Variants in FBXW11 observed in about 807,000 individuals in gnomAD.
FBXW11 encodes the protein F-box and WD repeat domain containing 11.
A neutral mutation model predicts 77.6 loss-of-function variants in FBXW11; 19 were observed. That is an observed-to-expected ratio of 0.24 (90% CI 0.17 to 0.36). The LOEUF is 0.36. Ranked by LOEUF, FBXW11 falls within the 10% of genes least tolerant of loss-of-function variation. The pLI, the probability that FBXW11 is intolerant of heterozygous loss-of-function variation, is 1.00. For missense variants in FBXW11, 334 were observed against 704.2 expected, an observed-to-expected ratio of 0.47 and a Z score of 5.95; for synonymous variants, 235 against 249.4, an observed-to-expected ratio of 0.94 and a Z score of 0.54.
chr5:171,975,077 A>G lies in FBXW11; in HGVS notation c.46-17379T>C, dbSNP rs543823586. Among the ~76,000 whole-genome samples, 53 of 152,276 alleles carry G rather than the reference A, an allele frequency of 3.5e-4. 1 individual carries two copies. The highest frequency in any genetic ancestry group is 1.2e-3 in the African/African-American group (51 of 41,562). The stretch of plus-strand genomic sequence containing the variant: ...CCAAAGTGCTGGGATTACAGGCGTG[A>G]GCCACCACGCCTGGCAATACTATGT... On this transcript the variant is annotated intron_variant, in intron 1 of 13. Coordinates refer to ENST00000517395, the MANE Select transcript of FBXW11 (RefSeq NM_001378974.1).
intron 10 of FBXW11, 124 bp downstream of exon 10, chr5:171,872,747 AC>A: frequency 1.4e-6 from 1 of 714,792 alleles, no homozygotes; most frequent in South Asian, 1.7e-5. Flanking sequence ...TCTAAAAGTT[AC>A]CTAAAGCTTT....
At chr5:171,878,559 T>C (rs989853458) in intron 7 of FBXW11, among the ~76,000 whole-genome samples, 70 of 96,150 alleles carry the variant, frequency 7.3e-4, no homozygotes, top group African/African-American at 2.6e-3. Context: ...TAAGAGTGTG[T>C]GAGTGTGTGT....
intron 2 of FBXW11, 73 bp from the exon 3 acceptor site, chr5:171,914,478 T>G (rs1380739204): frequency 1.7e-5 from 22 of 1,326,132 alleles, no homozygotes; most frequent in Admixed American, 2.9e-5. Context: ...ATAAATAATT[T>G]TGAAAACCCA....
chr5:171,992,445 G>GGAGA (rs142539171), intron 1 of FBXW11, among the ~76,000 whole-genome samples: 3 of 148,270 alleles, frequency 2.0e-5, no homozygotes, highest in Non-Finnish European at 4.5e-5. Context: ...AGAGAAAGGG[G>GGAGA]GAGAGAGAGA....
chr5:171,977,045 A>G (rs1170579037), intron 1 of FBXW11, among the ~76,000 whole-genome samples: 1 of 151,858 alleles, frequency 6.6e-6, no homozygotes, highest in African/African-American at 2.4e-5. Flanking sequence ...CAAAAAAAAA[A>G]AAAGAAATCT....
chr5:172,005,678 A>C (rs906589141), intron 1 of FBXW11, among the ~76,000 whole-genome samples: 66 of 150,932 alleles, frequency 4.4e-4, no homozygotes, highest in African/African-American at 1.5e-3. Flanking sequence ...GAGAAGAAAG[A>C]CCTCGCGGCA....
chr5:171,960,892 G>A (rs1763872248), intron 1 of FBXW11, among the ~76,000 whole-genome samples: 1 of 152,134 alleles, frequency 6.6e-6, no homozygotes, highest in African/African-American at 2.4e-5. Context: ...TATTTAACTA[G>A]TATATTCAGG....
Position 171,876,420 on chromosome 5 carries a change from G to A in FBXW11, c.1086C>T (p.Ser362=). The A allele has an allele frequency of 6.2e-7, 1 of 1,614,104 alleles. No homozygotes were observed. Among genetic ancestry groups the A allele is most frequent in the Non-Finnish European group, 8.5e-7 (1 of 1,180,010 alleles). ...GLMVTCSKDR[S]IAVWDMASAT... is the part of the protein sequence containing the mutation. ...CAGAAGCCATGTCCCACACAGCAAT[G>A]GAGCGGTCCTTGGAACAGGTCACCA... Residue 362 remains serine, a synonymous_variant, in exon 9 of 14, where the codon TCC becomes TCT. Transcript: ENST00000517395. This position sits in a 1 kb window ranked among gnomAD's most constrained non-coding sequence, Gnocchi z 4.2.
chr5:171,905,589 A>AACCCCCCCCC (rs1428374689), intron 4 of FBXW11, among the ~76,000 whole-genome samples: 1 of 111,150 alleles, frequency 9.0e-6, no homozygotes, highest in African/African-American at 3.1e-5. Flanking sequence ...CAAAAAGCTA[A>AACCCCCCCCC]CCCCCCCCCC....
intron 1 of FBXW11, among the ~76,000 whole-genome samples, chr5:171,974,210 GA>G (rs1561739130): frequency 6.6e-6 from 1 of 152,036 alleles, no homozygotes; most frequent in African/African-American, 2.4e-5. Flanking sequence ...CGAGGGTGGC[GA>G]ATCACCTGAG....
intron 1 of FBXW11, among the ~76,000 whole-genome samples, chr5:172,002,069 G>C (rs1766441276): frequency 1.3e-5 from 2 of 152,198 alleles, no homozygotes; most frequent in South Asian, 4.1e-4. Context: ...TGTTTTCTAT[G>C]AAGAACAAAT....
intron 2 of FBXW11, among the ~76,000 whole-genome samples, chr5:171,938,502 TTCAG>T (rs1315097723): frequency 1.3e-5 from 2 of 152,242 alleles, no homozygotes; most frequent in Non-Finnish European, 2.9e-5. Flanking sequence ...TGATAACACA[TTCAG>T]TCAATGAAGC....
chr5:171,932,683 T>C (rs1762275650), intron 2 of FBXW11, among the ~76,000 whole-genome samples: 1 of 152,158 alleles, frequency 6.6e-6, no homozygotes, highest in Non-Finnish European at 1.5e-5. Flanking sequence ...AACAATCTAA[T>C]ATTCATCCTC....
chr5:171,889,527 CAAA>C (rs34406226), intron 7 of FBXW11, among the ~76,000 whole-genome samples: 53,594 of 109,444 alleles, frequency 0.49, 11,942 homozygotes, highest in South Asian at 0.59. Context: ...GACTCCATCT[CAAA>C]AAAAAAAAAA....
intron 2 of FBXW11, among the ~76,000 whole-genome samples, chr5:171,952,093 C>A (rs576784103): frequency 1.3e-5 from 2 of 151,934 alleles, no homozygotes; most frequent in East Asian, 3.9e-4. Flanking sequence ...CTGTGCTAGC[C>A]CCTCCTTTAT....
At chr5:171,917,766 C>CTGTGTGTG (rs60601173) in intron 2 of FBXW11, among the ~76,000 whole-genome samples, 10,836 of 147,464 alleles carry the variant, frequency 0.073, 455 homozygotes, top group South Asian at 0.12. Context: ...TAGACTCACT[C>CTGTGTGTG]TGTGTGTGTG....
intron 7 of FBXW11, among the ~76,000 whole-genome samples, chr5:171,883,524 T>G (rs2113808822): frequency 6.6e-6 from 1 of 152,256 alleles, no homozygotes; most frequent in Middle Eastern, 3.4e-3. Context: ...ACTTAAAGTA[T>G]AATAAAAAAA....
chr5:171,993,184 T>A (rs1293074553), intron 1 of FBXW11, among the ~76,000 whole-genome samples: 4 of 151,998 alleles, frequency 2.6e-5, no homozygotes, highest in Non-Finnish European at 2.9e-5. Context: ...AACAGACGTC[T>A]TACTTCCCTG....
chr5:171,897,493 C>A (rs1759822277), intron 6 of FBXW11, among the ~76,000 whole-genome samples: 1 of 152,160 alleles, frequency 6.6e-6, no homozygotes, highest in African/African-American at 2.4e-5. Context: ...TTTAAACTAT[C>A]ATTTCAGCCT....
Sources: gnomAD v4.1 joint callset for allele counts (sites outside exome capture counted in the v4.1 genomes callset) on GRCh38, gnomAD v4.1.1 for gene constraint, Gnocchi (gnomAD v3.1) non-coding constraint, MANE v1.5 for transcripts, NCBI Gene and HGNC (gene_info 2026-07-23, HGNC 2026-07-21) for gene names.